Variants in DNAH14 observed in about 807,000 individuals in gnomAD.
DNAH14 encodes the protein axonemal beta dynein heavy chain 14.
DNAH14 carries 478 observed loss-of-function variants against 520.9 expected under a neutral mutation model. That is an observed-to-expected ratio of 0.92 (90% CI 0.85 to 0.99). DNAH14 has a LOEUF of 0.99. Among genes scored for constraint, DNAH14 ranks in the 50% least tolerant of loss-of-function variants. The pLI, the probability that DNAH14 is intolerant of heterozygous loss-of-function variation, is 0.00. For synonymous variants in DNAH14, 1,581 were observed against 1,757.2 expected, an observed-to-expected ratio of 0.90 and a Z score of 2.51; for missense variants, 4,831 against 5,234.5, an observed-to-expected ratio of 0.92 and a Z score of 2.38.
chr1:225,079,322 A>G lies in DNAH14; in HGVS notation c.2540A>G (p.Glu847Gly), dbSNP rs980113905. ...TCAAAAATATCTAAATTAGAAAAAGAGTTCTTAACAATGTCTCAGCTATAT... is the reference window on the plus strand; with the variant it reads ...TCAAAAATATCTAAATTAGAAAAAGGGTTCTTAACAATGTCTCAGCTATAT... ...ISSKISKLEK[E>G]FLTMSQLYSV... Residue 847 changes from glutamate (E) to glycine (G), a missense_variant, in exon 18 of 86, where the codon GAG (glutamate) becomes GGG (glycine). Physicochemically the swap from Glu to Gly is moderately conservative, Grantham distance 98. Coordinates refer to ENST00000682510, the MANE Select transcript of DNAH14 (RefSeq NM_001367479.1). The G allele has an allele frequency of 1.9e-6, 3 of 1,549,944 alleles. No homozygotes were observed. Among genetic ancestry groups the G allele is most frequent in the African/African-American group, 1.4e-5 (1 of 72,922 alleles).
At chr1:225,017,778 T>TAA (rs2065332384) in intron 10 of DNAH14, among the ~76,000 whole-genome samples, 1 of 152,224 alleles carries the variant, frequency 6.6e-6, no homozygotes, top group African/African-American at 2.4e-5. Context: ...CACCCAAGGT[T>TAA]AAAGCATGCT....
intron 8 of DNAH14, among the ~76,000 whole-genome samples, chr1:224,992,660 C>G (rs748956050): frequency 7.2e-5 from 11 of 152,060 alleles, no homozygotes; most frequent in African/African-American, 1.2e-4. Context: ...GAAACAGCAA[C>G]AACTTTAGTT....
intron 66 of DNAH14, among the ~76,000 whole-genome samples, chr1:225,337,005 T>A (rs2095071128): frequency 1.3e-5 from 2 of 152,232 alleles, no homozygotes; most frequent in South Asian, 4.1e-4. Context: ...TCTTATTTCC[T>A]TTGTGTCCCC....
intron 8 of DNAH14, among the ~76,000 whole-genome samples, chr1:224,978,015 A>G (rs1009883906): frequency 6.6e-6 from 1 of 152,200 alleles, no homozygotes; most frequent in Non-Finnish European, 1.5e-5. Flanking sequence ...CAAAAAATAA[A>G]TGCTGATGAG....
chr1:225,215,850 A>G (rs1459072742), intron 41 of DNAH14, among the ~76,000 whole-genome samples: 2 of 152,140 alleles, frequency 1.3e-5, no homozygotes, highest in Non-Finnish European at 2.9e-5. Context: ...TCTTTATCCA[A>G]TTTGCCAGTC....
intron 36 of DNAH14, among the ~76,000 whole-genome samples, chr1:225,168,947 A>C (rs182780599): frequency 8.5e-5 from 13 of 152,264 alleles, no homozygotes; most frequent in Middle Eastern, 6.8e-3. Flanking sequence ...TCCTCTGAGA[A>C]AAAACTTCCA....
chr1:225,188,890 T>C (rs1483389645), intron 37 of DNAH14, among the ~76,000 whole-genome samples: 1 of 151,930 alleles, frequency 6.6e-6, no homozygotes, highest in Non-Finnish European at 1.5e-5. Flanking sequence ...TACAAATCTT[T>C]CTCCTATCAT....
intron 43 of DNAH14, among the ~76,000 whole-genome samples, chr1:225,246,436 A>G (rs2092286657): frequency 6.6e-6 from 1 of 152,208 alleles, no homozygotes; most frequent in Admixed American, 6.5e-5. Flanking sequence ...ATCAGAGTGA[A>G]CAGGCAACCT....
chr1:225,038,408 T>A (rs1429304028), intron 11 of DNAH14, among the ~76,000 whole-genome samples: 2 of 152,008 alleles, frequency 1.3e-5, no homozygotes, highest in African/African-American at 4.8e-5. Context: ...TAGCCAACAT[T>A]TATTATTTAT....
At chr1:225,114,175 G>C (rs1415532448) in intron 23 of DNAH14, among the ~76,000 whole-genome samples, 1 of 152,148 alleles carries the variant, frequency 6.6e-6, no homozygotes, top group East Asian at 1.9e-4. Flanking sequence ...ATTATTCGGG[G>C]CCCAAGGGCT....
At chr1:225,091,772 C>T (rs3120990) in intron 21 of DNAH14, among the ~76,000 whole-genome samples, 30,775 of 151,862 alleles carry the variant, frequency 0.2, 6,481 homozygotes, top group African/African-American at 0.53. Context: ...TATTAAAAGG[C>T]AAAGAGTGGC....
In DNAH14 at chr1:225,333,461, G is replaced by A; in HGVS notation, c.10035G>A (p.Leu3345=). ...TCTGCATTGAAAATGGCATTTCTTT[G>A]TCTTCCAAATTCTCTTTAATTAAAG... ...ETFCIENGIS[L]SSKFSLIKVM... Residue 3345 remains leucine (L), a synonymous_variant, in exon 66 of 86, where the codon TTG becomes TTA. Coordinates refer to ENST00000682510, the MANE Select transcript of DNAH14 (RefSeq NM_001367479.1). The A allele has an allele frequency of 6.4e-7, 1 of 1,551,148 alleles. No homozygotes were observed. Among genetic ancestry groups the A allele is most frequent in the Non-Finnish European group, 8.7e-7 (1 of 1,146,750 alleles).
chr1:225,211,564 T>C (rs1203890823), intron 41 of DNAH14, among the ~76,000 whole-genome samples: 2 of 152,222 alleles, frequency 1.3e-5, no homozygotes, highest in East Asian at 3.9e-4. Flanking sequence ...AGAACCAAGC[T>C]GGAAAACACT....
intron 73 of DNAH14, chr1:225,357,899 T>C (rs2095448986): frequency 1.4e-6 from 1 of 699,226 alleles, no homozygotes; most frequent in Non-Finnish European, 2.6e-6. Flanking sequence ...ACAGTTTTTA[T>C]GGGAAAGGTC....
chr1:225,224,360 T>A (rs543917913), intron 41 of DNAH14, among the ~76,000 whole-genome samples: 6 of 151,894 alleles, frequency 4.0e-5, no homozygotes, highest in Admixed American at 3.9e-4. Context: ...CCAGGATTAG[T>A]AGGACAGATA....
At chr1:225,038,629 G>A in intron 11 of DNAH14, 65 bp from the exon 12 acceptor site, 2 of 1,437,246 alleles carry the variant, frequency 1.4e-6, no homozygotes, top group Non-Finnish European at 1.8e-6. Flanking sequence ...AGTTGTAGGT[G>A]TTCTTTATAT....
intron 38 of DNAH14, among the ~76,000 whole-genome samples, chr1:225,194,122 G>C (rs185118031): frequency 6.6e-6 from 1 of 152,032 alleles, no homozygotes; most frequent in East Asian, 1.9e-4. Flanking sequence ...GCCATACTGC[G>C]CAAAGCAATT....
chr1:225,287,207 A>T (rs1327448130), intron 54 of DNAH14, among the ~76,000 whole-genome samples: 2 of 152,188 alleles, frequency 1.3e-5, no homozygotes, highest in Non-Finnish European at 2.9e-5. Flanking sequence ...TAATGTTTAC[A>T]AATTTAGAAA....
intron 51 of DNAH14, 46 bp from the exon 52 acceptor site, chr1:225,272,909 C>A: frequency 6.8e-7 from 1 of 1,476,384 alleles, no homozygotes; most frequent in South Asian, 1.4e-5. Flanking sequence ...CACATACTAC[C>A]CTGCTAATTT....
Sources: allele counts gnomAD v4.1 joint callset (sites outside exome capture counted in the v4.1 genomes callset), GRCh38; gene constraint gnomAD v4.1.1; transcripts MANE v1.5; gene names NCBI Gene and HGNC (gene_info 2026-07-23, HGNC 2026-07-21).